The following MAPK10 variants were observed in gnomAD, a reference collection of about 807,000 sequenced individuals.
MAPK10 encodes JNK3 alpha protein kinase.
A neutral mutation model predicts 59.3 loss-of-function variants in MAPK10; 25 were observed. The observed-to-expected ratio is 0.42, with a 90% CI of 0.31 to 0.59. MAPK10 has a LOEUF of 0.59. MAPK10 is among the 20% of genes least tolerant of loss of function. The pLI, the probability that MAPK10 is intolerant of heterozygous loss-of-function variation, is 0.15. For synonymous variants in MAPK10, 190 were observed against 200.5 expected (o/e 0.95, Z 0.44); for missense variants, 351 against 568.9 (o/e 0.62, Z 3.90).
intron 2 of MAPK10, among the ~76,000 whole-genome samples, chr4:86,315,395 TA>T (rs1336956155): frequency 3.3e-5 from 5 of 152,096 alleles, no homozygotes; most frequent in Non-Finnish European, 5.9e-5. Flanking sequence ...TTAAAATAAC[TA>T]AAAGAGTTAT....
At chr4:86,138,987 A>C (rs200974689) in intron 4 of MAPK10, among the ~76,000 whole-genome samples, 1 of 60,010 alleles carries the variant, frequency 1.7e-5, no homozygotes, top group Non-Finnish European at 5.5e-5. Context: ...GATGTGAAGG[A>C]CCTCTTCAAG....
intron 4 of MAPK10, among the ~76,000 whole-genome samples, chr4:86,122,784 T>C (rs1437516984): frequency 1.3e-5 from 2 of 152,142 alleles, no homozygotes; most frequent in Non-Finnish European, 2.9e-5. Context: ...TCTGCCTCTG[T>C]GGGCTTCATC....
chr4:86,229,185 C>A (rs918639603), intron 2 of MAPK10, among the ~76,000 whole-genome samples: 15 of 152,162 alleles, frequency 9.9e-5, no homozygotes, highest in African/African-American at 3.6e-4. Flanking sequence ...CTAGGGTCCA[C>A]ATGAAGTTTA....
At chr4:86,285,644 A>G (rs1380226912) in intron 2 of MAPK10, among the ~76,000 whole-genome samples, 1 of 152,218 alleles carries the variant, frequency 6.6e-6, no homozygotes, top group Non-Finnish European at 1.5e-5. Flanking sequence ...CCTAACATCT[A>G]TATAGTTACC....
intron 2 of MAPK10, among the ~76,000 whole-genome samples, chr4:86,244,895 A>C (rs2092980054): frequency 1.3e-5 from 2 of 152,176 alleles, no homozygotes; most frequent in Non-Finnish European, 2.9e-5. Context: ...TGAAATTTGG[A>C]AGGCTCTAGA....
At chr4:86,476,315 C>T (rs977862978) in intron 1 of MAPK10, among the ~76,000 whole-genome samples, 8 of 152,162 alleles carry the variant, frequency 5.3e-5, no homozygotes, top group African/African-American at 1.9e-4. Flanking sequence ...CTCCTTCCAC[C>T]CAGTCCAGCT....
intron 2 of MAPK10, among the ~76,000 whole-genome samples, chr4:86,302,212 A>G (rs1180412296): frequency 6.6e-6 from 1 of 152,190 alleles, no homozygotes; most frequent in Non-Finnish European, 1.5e-5. Context: ...AATAATAGCA[A>G]AGTAATATTA....
At chr4:86,223,508 A>G (rs560519158) in intron 2 of MAPK10, among the ~76,000 whole-genome samples, 18 of 152,132 alleles carry the variant, frequency 1.2e-4, no homozygotes, top group Admixed American at 1.3e-4. Context: ...TCAACTCCAC[A>G]TACCCACTTG....
chr4:86,464,689 G>A (rs537908894), intron 1 of MAPK10, among the ~76,000 whole-genome samples: 6 of 151,966 alleles, frequency 3.9e-5, no homozygotes, highest in Admixed American at 1.3e-4. Flanking sequence ...GCATGGTGGC[G>A]GGCACCTCTA....
chr4:86,048,935 G>A (rs1288759522), intron 11 of MAPK10, among the ~76,000 whole-genome samples: 1 of 151,804 alleles, frequency 6.6e-6, no homozygotes, highest in African/African-American at 2.4e-5. Context: ...GTGACATAAA[G>A]GTTCTAGGTT....
rs1244182653 is a variant in MAPK10 at position 86,154,967 on chromosome 4, T to C, written c.236+4331A>G. 2.0e-5 allele frequency among the ~76,000 whole-genome samples: 3 copies of C among 152,180 alleles called. No individual in the cohort carries two copies. The East Asian group carries it at 5.8e-4, about 29-fold the overall frequency. ...TCATGCACCCTAACATGGCCAACTT[T>C]CAATCACTTTTGTTCTGGTGCATAT... On this transcript the variant is annotated intron_variant, in intron 4 of 13. Transcript: ENST00000641462.
intron 4 of MAPK10, among the ~76,000 whole-genome samples, chr4:86,128,512 C>T (rs564833486): frequency 2.9e-4 from 44 of 152,026 alleles, no homozygotes; most frequent in South Asian, 6.2e-4. Context: ...TGAAGAAGGA[C>T]GTGTTTGCTT....
intron 1 of MAPK10, among the ~76,000 whole-genome samples, chr4:86,492,335 T>C (rs549877985): frequency 3.7e-4 from 56 of 152,366 alleles, no homozygotes; most frequent in African/African-American, 1.2e-3. Context: ...CAATTCTTTC[T>C]GTTCTCCTTT....
chr4:86,495,438 A>C (rs1754804801), intron 1 of MAPK10, among the ~76,000 whole-genome samples: 1 of 152,224 alleles, frequency 6.6e-6, no homozygotes, highest in South Asian at 2.1e-4. Flanking sequence ...GATATCATAT[A>C]ATTTCCCTTA....
chr4:86,162,981 C>T (rs554939644), intron 3 of MAPK10, among the ~76,000 whole-genome samples: 34 of 152,220 alleles, frequency 2.2e-4, no homozygotes, highest in African/African-American at 8.2e-4. Context: ...TAAAAATCAT[C>T]ATTACAAGGT....
intron 1 of MAPK10, among the ~76,000 whole-genome samples, chr4:86,579,220 C>G (rs554749687): frequency 6.6e-6 from 1 of 152,258 alleles, no homozygotes; most frequent in South Asian, 2.1e-4. Context: ...TCAGAGAAAA[C>G]AGAAGCCATC....
chr4:86,382,234 G>A (rs938658939), intron 1 of MAPK10, among the ~76,000 whole-genome samples: 1 of 151,820 alleles, frequency 6.6e-6, no homozygotes, highest in Non-Finnish European at 1.5e-5. Context: ...TCAGAGCAGA[G>A]AGACGAATGG....
intron 1 of MAPK10, chr4:86,429,708 C>T (rs1747777012): frequency 6.6e-6 from 1 of 151,766 alleles, no homozygotes; most frequent in African/African-American, 2.4e-5. Context: ...AAGGCTGAGG[C>T]AGGAGGATCA....
At chr4:86,087,604 A>G (rs533352661) in intron 9 of MAPK10, among the ~76,000 whole-genome samples, 1 of 122,066 alleles carries the variant, frequency 8.2e-6, no homozygotes, top group South Asian at 2.4e-4. Flanking sequence ...AAGACTTTTT[A>G]AAATGTGTGT....
Sources: gnomAD v4.1 joint callset for allele counts (sites outside exome capture counted in the v4.1 genomes callset) on GRCh38, gnomAD v4.1.1 for gene constraint, MANE v1.5 for transcripts, NCBI Gene and HGNC (gene_info 2026-07-23, HGNC 2026-07-21) for gene names.